The following SRGAP1 variants were observed in gnomAD, a reference collection of about 807,000 sequenced individuals.
SRGAP1 encodes SLIT-ROBO Rho GTPase activating protein 1, also known as SLIT-ROBO Rho GTPase-activating protein 1.
SRGAP1 carries 43 observed loss-of-function variants against 121.9 expected under a neutral mutation model. The ratio of observed to expected loss-of-function variants is 0.35; its 90% CI spans 0.28 to 0.46. SRGAP1 has a LOEUF of 0.46. Among genes scored for constraint, SRGAP1 ranks in the 20% least tolerant of loss-of-function variants. SRGAP1 has a pLI of 1.00. For missense variants in SRGAP1, 1,102 were observed against 1,350.9 expected (o/e 0.82, Z 2.89); for synonymous variants, 447 against 485.4 (o/e 0.92, Z 1.04).
intron 16 of SRGAP1, 104 bp downstream of exon 16, chr12:64,109,141 G>C (rs2036392084): frequency 1.4e-6 from 1 of 693,470 alleles, no homozygotes; most frequent in South Asian, 4.3e-5. Context: ...GAGTCAAAGA[G>C]AAAAATGATT....
At chr12:64,002,615 C>G (rs886971143) in intron 3 of SRGAP1, among the ~76,000 whole-genome samples, 6 of 152,158 alleles carry the variant, frequency 3.9e-5, no homozygotes, top group Non-Finnish European at 2.9e-5. Flanking sequence ...TAATCCTAGA[C>G]AGAAACCTAC....
chr12:63,931,877 G>A (rs1192622090), intron 1 of SRGAP1, among the ~76,000 whole-genome samples: 2 of 152,148 alleles, frequency 1.3e-5, no homozygotes, highest in African/African-American at 4.8e-5. Flanking sequence ...CTGGAAAGTA[G>A]CCTGCTGATC....
intron 1 of SRGAP1, among the ~76,000 whole-genome samples, chr12:63,877,597 C>G (rs78457925): frequency 6.6e-6 from 1 of 152,186 alleles, no homozygotes; most frequent in South Asian, 2.1e-4. Context: ...TACAGTGTTA[C>G]AACTATCTGG....
intron 1 of SRGAP1, among the ~76,000 whole-genome samples, chr12:63,897,684 T>G (rs1239391726): frequency 6.6e-6 from 1 of 152,234 alleles, no homozygotes; most frequent in Non-Finnish European, 1.5e-5. Flanking sequence ...AAAATTGTGG[T>G]GCCTCTCAAC....
intron 1 of SRGAP1, among the ~76,000 whole-genome samples, chr12:63,924,325 A>G (rs1358486939): frequency 6.6e-6 from 1 of 152,188 alleles, no homozygotes; most frequent in Non-Finnish European, 1.5e-5. Context: ...TGAGTTGTAG[A>G]TGAGTTGGGT....
At chr12:63,965,231 T>A (rs2032758039) in intron 1 of SRGAP1, among the ~76,000 whole-genome samples, 1 of 152,230 alleles carries the variant, frequency 6.6e-6, no homozygotes, top group African/African-American at 2.4e-5. Flanking sequence ...AGTGGAGTTG[T>A]ACCTTCCGCA....
chr12:64,124,943 T>A (rs1463118683), intron 18 of SRGAP1, among the ~76,000 whole-genome samples: 1 of 152,184 alleles, frequency 6.6e-6, no homozygotes, highest in Non-Finnish European at 1.5e-5. Flanking sequence ...CCATTCACTA[T>A]ATAAATGTTT....
Position 64,107,298 on chromosome 12 carries a change from C to T in SRGAP1, c.1814-1634C>T, listed in dbSNP as rs557075021. Among the ~76,000 whole-genome samples, 14 of 152,300 alleles carry T rather than the reference C, an allele frequency of 9.2e-5. No homozygotes were observed. The South Asian group carries it at 2.9e-3, about 32-fold the overall frequency. On this transcript the variant is annotated intron_variant, in intron 15 of 21. Transcript: ENST00000355086. ...CAAGAGTAATTAAGACAGTGGTTCT[C>T]AACCCTGGCTGCATAAAAGAATCTC...
Position 63,864,220 on chromosome 12 carries a change from T to G in SRGAP1, c.67+19337T>G, listed in dbSNP as rs549400079. ...TCTGTTTAGCATTTAATTCCAAGAT[T>G]TCCTCCAGCAATCTTGGAATTACGT... On this transcript the variant is annotated intron_variant, in intron 1 of 21. Coordinates refer to ENST00000355086, the MANE Select transcript of SRGAP1 (RefSeq NM_020762.4). Among the ~76,000 whole-genome samples the G allele has an allele frequency of 2.6e-5, 4 of 152,302 alleles. No individual in the cohort carries two copies. In the South Asian group the frequency reaches 8.3e-4, roughly 32 times the overall value.
In SRGAP1 at chr12:63,984,119, C is replaced by T; in HGVS notation, c.240C>T (p.Ser80=). The T allele has an allele frequency of 5.3e-6, 8 of 1,501,112 alleles. No individual in the cohort carries two copies. The highest frequency in any genetic ancestry group is 7.2e-6 in the Non-Finnish European group (8 of 1,110,020). 93.0% of individuals were successfully genotyped at this position (1,501,112 alleles called of 1,614,324 possible). The change falls in exon 2 of 22, where the codon AGC becomes AGT. Residue 80 remains serine, a synonymous_variant. Transcript: ENST00000355086. Reference sequence around the variant, plus strand: ...AAAGGTTCATGGCAAAAACAAGAAGCACTAAGGATCATCAACAATACAAGT... The same window carrying T: ...AAAGGTTCATGGCAAAAACAAGAAGTACTAAGGATCATCAACAATACAAGT... ...LAERFMAKTR[S]TKDHQQYKKD...
intron 3 of SRGAP1, among the ~76,000 whole-genome samples, chr12:64,009,521 A>G (rs1379972426): frequency 6.6e-6 from 1 of 152,174 alleles, no homozygotes; most frequent in Non-Finnish European, 1.5e-5. Flanking sequence ...GTTGATGACT[A>G]TGCACCTTTC....
chr12:63,925,617 C>T (rs918803174), intron 1 of SRGAP1, among the ~76,000 whole-genome samples: 2 of 151,940 alleles, frequency 1.3e-5, no homozygotes, highest in African/African-American at 4.8e-5. Flanking sequence ...GTCACAGATA[C>T]CACGTGTTAA....
intron 1 of SRGAP1, among the ~76,000 whole-genome samples, chr12:63,892,379 T>C (rs1028326246): frequency 2.6e-5 from 4 of 152,228 alleles, no homozygotes; most frequent in African/African-American, 9.6e-5. Flanking sequence ...TCTTACTAGT[T>C]TCATTATGAA....
At chr12:64,038,260 C>T (rs945080481) in intron 4 of SRGAP1, among the ~76,000 whole-genome samples, 4 of 152,028 alleles carry the variant, frequency 2.6e-5, no homozygotes, top group African/African-American at 4.8e-5. Flanking sequence ...GTAAATTATA[C>T]GTATATATGT....
intron 1 of SRGAP1, among the ~76,000 whole-genome samples, chr12:63,934,842 A>G (rs1223075975): frequency 6.6e-6 from 1 of 152,242 alleles, no homozygotes; most frequent in Non-Finnish European, 1.5e-5. Flanking sequence ...AAGAGGTTCT[A>G]TAATATCCCT....
intron 1 of SRGAP1, among the ~76,000 whole-genome samples, chr12:63,864,130 C>A (rs1159252871): frequency 1.3e-5 from 2 of 152,150 alleles, no homozygotes; most frequent in Non-Finnish European, 2.9e-5. Flanking sequence ...TAATAGTATT[C>A]TCCACATACC....
rs75708037 is a variant in SRGAP1, at chr12:64,099,386, C to T, written c.1813+2011C>T. ...TGCAGCCCTAACATTTGTCCACTCCCGAAGGTTAGGAATTAGTTAATTCCT... is the reference window on the plus strand; with the variant it reads ...TGCAGCCCTAACATTTGTCCACTCCTGAAGGTTAGGAATTAGTTAATTCCT... On this transcript the variant is annotated intron_variant, in intron 15 of 21. Coordinates refer to ENST00000355086, the MANE Select transcript of SRGAP1 (RefSeq NM_020762.4). Among the ~76,000 whole-genome samples the T allele has an allele frequency of 4.6e-3, 704 of 152,088 alleles. 5 individuals carry two copies. Among genetic ancestry groups the T allele is most frequent in the African/African-American group, 0.016 (669 of 41,480 alleles).
intron 1 of SRGAP1, among the ~76,000 whole-genome samples, chr12:63,964,756 C>T (rs966508278): frequency 6.6e-6 from 1 of 152,148 alleles, no homozygotes; most frequent in African/African-American, 2.4e-5. Context: ...TAGCAGAGGA[C>T]TAACTGTATT....
intron 1 of SRGAP1, among the ~76,000 whole-genome samples, chr12:63,952,260 C>T (rs890471951): frequency 6.6e-6 from 1 of 152,132 alleles, no homozygotes; most frequent in African/African-American, 2.4e-5. Context: ...TGCCTGTAAT[C>T]CAGCATTTGG....
Sources: gnomAD v4.1 joint callset for allele counts (sites outside exome capture counted in the v4.1 genomes callset) on GRCh38, gnomAD v4.1.1 for gene constraint, MANE v1.5 for transcripts, NCBI Gene and HGNC (gene_info 2026-07-23, HGNC 2026-07-21) for gene names.